UST: variants seen among roughly 807,000 people sequenced by gnomAD.
UST encodes chondroitin sulfate 2-O-sulfotransferase.
In UST, 21 loss-of-function variants were observed where a neutral mutation model predicts 45.6. That is an observed-to-expected ratio of 0.46 (90% confidence interval 0.33 to 0.66). The LOEUF is 0.66. Among genes scored for constraint, UST ranks in the 30% least tolerant of loss-of-function variants. UST has a pLI of 0.02. For missense variants in UST, 463 were observed against 512.4 expected (o/e 0.90, Z 0.93); for synonymous variants, 215 against 200.6 (o/e 1.07, Z -0.61).
At position 149,074,292 on chromosome 6, in the gene UST, T is replaced by C; in HGVS notation, c.*176T>C. On this transcript the variant is annotated 3_prime_UTR_variant, in exon 8 of 8. Coordinates refer to ENST00000367463, the MANE Select transcript of UST (RefSeq NM_005715.3). ...TTTTGCGGGTTTTATTTGTTTAATT[T>C]TATTCTGTGTTTTCTCTTGGCTCTT... 1.4e-6 allele frequency: 1 copy of C among 693,100 alleles called. No homozygotes were observed. Among genetic ancestry groups the C allele is most frequent in the South Asian group, 2.0e-5 (1 of 49,742 alleles). The allele number at this position is 693,100 out of a possible 1,614,324, so 42.9% of individuals were successfully genotyped here. A position where few individuals can be genotyped will look rare whatever the true frequency, so the allele number is the denominator to read the frequency against.
rs571510109 is a variant in UST at position 149,061,890 on chromosome 6, T to C, written c.938-11943T>C. Among the ~76,000 whole-genome samples, 11 of 152,360 alleles carry C rather than the reference T, an allele frequency of 7.2e-5. No individual in the cohort carries two copies. In the South Asian group the frequency reaches 1.5e-3, roughly 20 times the overall value. ...TCCTTCTAAATAAAACACTTTCATTTTGCTAATGGAGAAACATCACTAAAA... is the reference window on the plus strand; with the variant it reads ...TCCTTCTAAATAAAACACTTTCATTCTGCTAATGGAGAAACATCACTAAAA... On this transcript the variant is annotated intron_variant, in intron 7 of 7. Transcript: ENST00000367463.
intron 7 of UST, among the ~76,000 whole-genome samples, chr6:149,065,038 A>G (rs1045093049): frequency 6.6e-6 from 1 of 152,216 alleles, no homozygotes; most frequent in Admixed American, 6.5e-5. Flanking sequence ...CACAAGAGAC[A>G]TGAGCCCCTT....
intron 2 of UST, among the ~76,000 whole-genome samples, chr6:148,922,492 CTTTTTTT>C (rs10634690): frequency 2.1e-5 from 3 of 140,752 alleles, no homozygotes; most frequent in Non-Finnish European, 4.6e-5. Flanking sequence ...CTTTCTTTTT[CTTTTTTT>C]TTTTTTTGAG....
chr6:148,776,804 G>A (rs1582804552), intron 1 of UST, among the ~76,000 whole-genome samples: 2 of 152,094 alleles, frequency 1.3e-5, no homozygotes, highest in East Asian at 3.9e-4. Context: ...CATTGTTTCT[G>A]GAATCTGGCT....
intron 1 of UST, among the ~76,000 whole-genome samples, chr6:148,875,321 G>A (rs1363342544): frequency 6.6e-6 from 1 of 152,136 alleles, no homozygotes; most frequent in Non-Finnish European, 1.5e-5. Flanking sequence ...TTTGCATATT[G>A]TTAAGTGTAG....
chr6:148,883,937 GC>G (rs970768831), intron 1 of UST, among the ~76,000 whole-genome samples: 3 of 152,118 alleles, frequency 2.0e-5, no homozygotes, highest in African/African-American at 7.2e-5. Flanking sequence ...TTCAAGACCA[GC>G]CTGGCCAACA....
At chr6:148,877,877 G>A (rs1225746729) in intron 1 of UST, among the ~76,000 whole-genome samples, 6 of 133,818 alleles carry the variant, frequency 4.5e-5, no homozygotes, top group Non-Finnish European at 4.8e-5. Flanking sequence ...ACGAGTGTGG[G>A]GATCGTGTAT....
At chr6:149,001,440 A>G (rs2500531) in intron 5 of UST, among the ~76,000 whole-genome samples, 44,842 of 152,028 alleles carry the variant, frequency 0.29, 6,856 homozygotes, top group African/African-American at 0.38. Flanking sequence ...TTAAATATTC[A>G]CACAAGTATT....
At chr6:148,930,417 G>A (rs1274673982) in intron 2 of UST, among the ~76,000 whole-genome samples, 1 of 152,192 alleles carries the variant, frequency 6.6e-6, no homozygotes, top group East Asian at 1.9e-4. Flanking sequence ...TAGTGAGACA[G>A]GCAATCAAAT....
chr6:148,954,770 G>T (rs1252181997), intron 4 of UST, among the ~76,000 whole-genome samples: 6 of 152,226 alleles, frequency 3.9e-5, no homozygotes, highest in Admixed American at 2.0e-4. Flanking sequence ...TGCTGGGGAG[G>T]TATTTAAAAT....
At chr6:148,865,751 G>T (rs1778418100) in intron 1 of UST, among the ~76,000 whole-genome samples, 1 of 150,312 alleles carries the variant, frequency 6.7e-6, no homozygotes, top group South Asian at 2.1e-4. Context: ...GGCTTAGAGT[G>T]TTGAAAAATG....
intron 7 of UST, among the ~76,000 whole-genome samples, chr6:149,045,719 T>C (rs1432227734): frequency 6.6e-6 from 1 of 152,184 alleles, no homozygotes; most frequent in Non-Finnish European, 1.5e-5. Flanking sequence ...AGCAAAAATC[T>C]CTGAGAAGGA....
intron 2 of UST, among the ~76,000 whole-genome samples, chr6:148,894,158 G>T (rs1323233384): frequency 6.6e-6 from 1 of 152,170 alleles, no homozygotes; most frequent in Non-Finnish European, 1.5e-5. Flanking sequence ...AAGATGATAG[G>T]CAGTGGAGTC....
intron 2 of UST, among the ~76,000 whole-genome samples, chr6:148,933,366 A>T (rs1017779527): frequency 6.6e-6 from 1 of 152,362 alleles, no homozygotes; most frequent in Non-Finnish European, 1.5e-5. Flanking sequence ...TATGCACATA[A>T]CAGATAGACC....
At chr6:149,020,320 C>G (rs1775960000) in intron 6 of UST, among the ~76,000 whole-genome samples, 1 of 152,136 alleles carries the variant, frequency 6.6e-6, no homozygotes, top group Non-Finnish European at 1.5e-5. Context: ...GCCCCCGACC[C>G]TTGCCTCAAT....
intron 7 of UST, 61 bp downstream of exon 7, chr6:149,021,542 T>G (rs1775981786): frequency 6.4e-7 from 1 of 1,566,452 alleles, no homozygotes; most frequent in South Asian, 1.1e-5. Context: ...GCTACTCACC[T>G]TGAAAAGGCC....
chr6:149,010,972 A>G (rs943598719), intron 5 of UST, among the ~76,000 whole-genome samples: 1 of 150,076 alleles, frequency 6.7e-6, no homozygotes, highest in Admixed American at 6.7e-5. Context: ...GGAAACTCAC[A>G]CTCTTGGAAT....
intron 2 of UST, among the ~76,000 whole-genome samples, chr6:148,932,037 G>A (rs1355161858): frequency 6.6e-6 from 1 of 152,188 alleles, no homozygotes; most frequent in Non-Finnish European, 1.5e-5. Flanking sequence ...AAACATACAA[G>A]TATTCCATGG....
intron 7 of UST, among the ~76,000 whole-genome samples, chr6:149,056,117 C>CTTTTCTTT (rs1562341621): frequency 2.2e-4 from 18 of 81,068 alleles, no homozygotes; most frequent in Non-Finnish European, 3.7e-4. Context: ...CTTTTCTTTT[C>CTTTTCTTT]TTTTTTTTTT....
Sources: gnomAD v4.1 joint callset for allele counts (sites outside exome capture counted in the v4.1 genomes callset) on GRCh38, gnomAD v4.1.1 for gene constraint, MANE v1.5 for transcripts, NCBI Gene and HGNC (gene_info 2026-07-23, HGNC 2026-07-21) for gene names.